Variants in PDE12 observed in about 807,000 individuals in gnomAD.
PDE12 encodes the protein 2',5'-phosphodiesterase 12.
In PDE12, 26 loss-of-function variants were observed where a neutral mutation model predicts 45.4. The ratio of observed to expected loss-of-function variants is 0.57; its 90% confidence interval spans 0.42 to 0.79. The LOEUF (loss-of-function observed/expected upper bound fraction) is 0.79. Ranked by LOEUF, PDE12 falls within the 30% of genes least tolerant of loss-of-function variation. The probability of loss-of-function intolerance (pLI) is 0.00; values close to 1 mark genes in which losing one functional copy is unlikely to be tolerated. For synonymous variants in PDE12, 283 were observed against 323.9 expected (o/e 0.87, Z 1.36); for missense variants, 668 against 790.0 (o/e 0.85, Z 1.85).
At chr3:57,616,481 AAAG>A in the PDE12 span, among the ~76,000 whole-genome samples, 7,096 of 141,294 alleles carry the variant, frequency 0.05, 226 homozygotes, top group Non-Finnish European at 0.071. Flanking sequence ...AAGGAAGAAG[AAAG>A]AAGGAGGAAG....
chr3:57,575,222 T>C, the PDE12 span, among the ~76,000 whole-genome samples: 1 of 151,726 alleles, frequency 6.6e-6, no homozygotes, highest in East Asian at 1.9e-4. Context: ...TTTCAAAATA[T>C]TTGCTGTAGG....
chr3:57,556,425 A>C lies in PDE12; in HGVS notation c.46A>C (p.Thr16Pro). The change falls in exon 1 of 3, where the codon ACG (threonine) becomes CCG (proline). Residue 16 changes from threonine to proline, a missense_variant. Thr to Pro is a conservative substitution (Grantham distance 38, BLOSUM62 -1). This residue lies in a region of PDE12 where 580 missense variants were observed against 662.9 expected (regional missense o/e 0.87). Transcript: ENST00000311180. This position sits in a 1 kb window ranked among gnomAD's most constrained non-coding sequence, Gnocchi z 5.0. ...GARAALRVIR[T>P]AVEKLSRAEA... ...CCGCGCCGCGCTTCGGGTGATCCGG[A>C]CGGCGGTGGAGAAGCTGAGCCGGGC... 1 of 1,610,592 alleles carries C rather than the reference A, an allele frequency of 6.2e-7. No homozygotes were observed. The highest frequency in any genetic ancestry group is 2.2e-5 in the East Asian group (1 of 44,758).
the PDE12 span, among the ~76,000 whole-genome samples, chr3:57,603,987 C>T: frequency 3.3e-5 from 5 of 149,774 alleles, no homozygotes; most frequent in African/African-American, 9.8e-5. Context: ...TGCAGTGGCA[C>T]GACCTCAGCT....
chr3:57,656,418 C>T, the PDE12 span, among the ~76,000 whole-genome samples: 1 of 151,918 alleles, frequency 6.6e-6, no homozygotes, highest in African/African-American at 2.4e-5. Context: ...TTTGTTTGTC[C>T]ATTTACCAGT....
chr3:57,570,427 C>T (rs201618409), downstream of PDE12, among the ~76,000 whole-genome samples: 3 of 147,666 alleles, frequency 2.0e-5, no homozygotes, highest in Non-Finnish European at 4.5e-5. Flanking sequence ...CACCATGTTG[C>T]GGCTGGTCTT....
chr3:57,613,058 G>A, the PDE12 span, among the ~76,000 whole-genome samples: 2 of 151,916 alleles, frequency 1.3e-5, no homozygotes, highest in Non-Finnish European at 2.9e-5. Flanking sequence ...TCGGCTCACT[G>A]CAGCCTCCAC....
chr3:57,642,658 A>G, the PDE12 span, among the ~76,000 whole-genome samples: 1 of 152,136 alleles, frequency 6.6e-6, no homozygotes, highest in Non-Finnish European at 1.5e-5. Flanking sequence ...GCAAAGGGAA[A>G]CTACCAGATA....
At chr3:57,581,920 A>C in the PDE12 span, among the ~76,000 whole-genome samples, 1 of 152,226 alleles carries the variant, frequency 6.6e-6, no homozygotes, top group Non-Finnish European at 1.5e-5. Context: ...ATGCTATTCT[A>C]TTTGTAGGTG....
chr3:57,584,639 G>C, the PDE12 span, among the ~76,000 whole-genome samples: 1 of 152,148 alleles, frequency 6.6e-6, no homozygotes, highest in Admixed American at 6.5e-5. Context: ...CCTACAGAAA[G>C]CCTTTCCATT....
chr3:57,655,627 T>C, the PDE12 span, among the ~76,000 whole-genome samples: 8 of 152,160 alleles, frequency 5.3e-5, no homozygotes, highest in Non-Finnish European at 1.5e-5. Flanking sequence ...ATTAAAAATA[T>C]TTTTTTAAAT....
chr3:57,647,088 T>A, the PDE12 span, among the ~76,000 whole-genome samples: 4 of 151,926 alleles, frequency 2.6e-5, no homozygotes, highest in South Asian at 4.1e-4. Context: ...TGGTAAAAAA[T>A]TTTCCTAGTA....
chr3:57,630,712 A>G, the PDE12 span: 1 of 1,606,548 alleles, frequency 6.2e-7, no homozygotes, highest in Non-Finnish European at 8.5e-7. Flanking sequence ...AAAAAAGACT[A>G]ACCGGTAAAG....
At chr3:57,592,214 C>A in the PDE12 span, among the ~76,000 whole-genome samples, 1 of 152,102 alleles carries the variant, frequency 6.6e-6, no homozygotes, top group Non-Finnish European at 1.5e-5. Flanking sequence ...TTTGGCCAGG[C>A]ACGGTGACTC....
downstream of PDE12, among the ~76,000 whole-genome samples, chr3:57,569,800 C>G (rs1035394767): frequency 2.3e-4 from 33 of 140,442 alleles, no homozygotes; most frequent in African/African-American, 9.0e-4. Context: ...CCACTGGACT[C>G]CAGCCTGGGT....
Position 57,556,862 on chromosome 3 carries a change from G to A in PDE12, c.483G>A (p.Pro161=). 1 of 1,614,070 alleles carries A rather than the reference G, an allele frequency of 6.2e-7. No homozygotes were observed. The highest frequency in any genetic ancestry group is 1.1e-5 in the South Asian group (1 of 91,086). The change falls in exon 1 of 3, where the codon CCG becomes CCA. Residue 161 remains proline (P), a synonymous_variant. Coordinates refer to ENST00000311180, the MANE Select transcript of PDE12 (RefSeq NM_177966.7). The surrounding 1 kb of genome is among the most constrained non-coding windows in gnomAD (Gnocchi z 5.0). ...TTAAGTACAAGGTGGAGCGCAACCC[G>A]CCCGCCTTCACCGAACTGCAGTTGC... ...GDVKYKVERN[P]PAFTELQLPR...
chr3:57,641,822 CTTT>C, the PDE12 span: 1 of 1,213,602 alleles, frequency 8.2e-7, no homozygotes, highest in South Asian at 1.4e-5. Flanking sequence ...GAATAGTTTA[CTTT>C]TTTTTTCAAT....
At chr3:57,569,973 C>T (rs1482654544), downstream of PDE12, among the ~76,000 whole-genome samples, 2 of 152,074 alleles carry the variant, frequency 1.3e-5, no homozygotes, top group Admixed American at 6.6e-5. Flanking sequence ...CTAGCCCTAA[C>T]GCTGAACTTA....
rs1456835908 is a variant in PDE12 at position 57,556,574 on chromosome 3, C to T, written c.195C>T (p.Arg65=). Residue 65 remains arginine, a synonymous_variant, in exon 1 of 3, where the codon CGC becomes CGT. Coordinates refer to ENST00000311180, the MANE Select transcript of PDE12 (RefSeq NM_177966.7). The surrounding 1 kb of genome is among the most constrained non-coding windows in gnomAD (Gnocchi z 5.0). The part of the protein sequence containing the change: ...LADGSHKNMQ[R]DQSEPLGRVL... Reference sequence around the variant, plus strand: ...ATGGTAGCCACAAGAACATGCAGCGCGACCAGAGCGAGCCGCTGGGTCGAG... The same window carrying T: ...ATGGTAGCCACAAGAACATGCAGCGTGACCAGAGCGAGCCGCTGGGTCGAG... 1 of 1,613,234 alleles carries T rather than the reference C, an allele frequency of 6.2e-7. No homozygotes were observed. The highest frequency in any genetic ancestry group is 1.7e-5 in the Admixed American group (1 of 60,026).
At chr3:57,599,764 T>A in the PDE12 span, among the ~76,000 whole-genome samples, 1 of 151,978 alleles carries the variant, frequency 6.6e-6, no homozygotes, top group Non-Finnish European at 1.5e-5. Flanking sequence ...GTCAGAGAGA[T>A]TAAATATTCT....
Sources: gnomAD v4.1 joint callset for allele counts (sites outside exome capture counted in the v4.1 genomes callset) on GRCh38, gnomAD v4.1.1 for gene constraint, gnomAD v4.1.1 regional missense constraint, Gnocchi (gnomAD v3.1) non-coding constraint, MANE v1.5 for transcripts, NCBI Gene and HGNC (gene_info 2026-07-23, HGNC 2026-07-21) for gene names.